Variants in RNPEP observed in about 807,000 individuals in gnomAD.
The protein encoded by RNPEP is aminopeptidase B.
Under a neutral mutation model 70.1 loss-of-function variants are expected in RNPEP, and 57 were observed. The observed-to-expected ratio is 0.81, with a 90% confidence interval of 0.66 to 1.01. RNPEP has a LOEUF of 1.01. Among genes scored for constraint, RNPEP ranks in the 50% least tolerant of loss-of-function variants. The pLI is 0.00. For synonymous variants in RNPEP, 335 were observed against 357.4 expected (o/e 0.94, Z 0.71); for missense variants, 787 against 852.4 (o/e 0.92, Z 0.96).
rs1383438631 is a variant in RNPEP at position 202,003,344 on chromosome 1, T to C, written c.1534T>C (p.Trp512Arg). The stretch of plus-strand genomic sequence containing the variant: ...GCCTGCTGAAGAGCTAGCCCAACTG[T>C]GGGCAGCCGAGGAGCTGGACATGAA... ...MKPAEELAQLWAAEELDMKAI... is the reference protein window; with the variant it reads ...MKPAEELAQLRAAEELDMKAI... The change falls in exon 9 of 11, where the codon TGG becomes CGG. Residue 512 changes from tryptophan (W) to arginine (R), a missense_variant. Transcript: ENST00000295640. The C allele has an allele frequency of 6.2e-7, 1 of 1,614,090 alleles. No individual in the cohort carries two copies. Among genetic ancestry groups the C allele is most frequent in the Admixed American group, 1.7e-5 (1 of 60,014 alleles).
chr1:201,983,192 C>A (rs1159862329), intron 1 of RNPEP, 79 bp downstream of exon 1: 18 of 1,415,218 alleles, frequency 1.3e-5, no homozygotes, highest in African/African-American at 8.9e-5. Context: ...TCACCTACCC[C>A]ACCCGGGAGG....
At position 202,004,461 on chromosome 1, in the gene RNPEP, G is replaced by T. The variant is rs574853570; in HGVS notation, c.1759G>T (p.Asp587Tyr). The T allele has an allele frequency of 6.2e-7, 1 of 1,614,132 alleles. No individual in the cohort carries two copies. Among genetic ancestry groups the T allele is most frequent in the South Asian group, 1.1e-5 (1 of 91,084 alleles). Residue 587 changes from aspartate to tyrosine, a missense_variant, in exon 10 of 11, where the codon GAT becomes TAT. By Grantham distance (160) the Asp-to-Tyr change is radical (BLOSUM62 -3). Coordinates refer to ENST00000295640, the MANE Select transcript of RNPEP (RefSeq NM_020216.4). Reference sequence around the variant, plus strand: ...CGTCCTTAAGAACGACCACCAGGAAGATTTCTGGAAAGTGAAGGAGTTCCT... The same window carrying T: ...CGTCCTTAAGAACGACCACCAGGAATATTTCTGGAAAGTGAAGGAGTTCCT... ...QIVLKNDHQEDFWKVKEFLHN... is the reference protein window; with the variant it reads ...QIVLKNDHQEYFWKVKEFLHN...
chr1:202,005,145 G>A (rs1356398349), intron 10 of RNPEP, among the ~76,000 whole-genome samples: 3 of 152,110 alleles, frequency 2.0e-5, no homozygotes, highest in African/African-American at 7.2e-5. Flanking sequence ...TTGACCTGTG[G>A]GTTGACCTGT....
At chr1:201,983,304 C>G (rs1683007755) in intron 1 of RNPEP, 191 bp downstream of exon 1, 2 of 1,407,108 alleles carry the variant, frequency 1.4e-6, no homozygotes, top group Admixed American at 6.4e-5. Context: ...TCCCGGGCTG[C>G]CTGGTTTCCT....
intron 1 of RNPEP, among the ~76,000 whole-genome samples, chr1:201,987,291 G>A (rs1438339100): frequency 6.6e-6 from 1 of 152,058 alleles, no homozygotes; most frequent in African/African-American, 2.4e-5. Flanking sequence ...AATCATCCTG[G>A]AGTAATCGAA....
chr1:201,993,596 C>A (rs1476886555), intron 3 of RNPEP, among the ~76,000 whole-genome samples: 87 of 128,446 alleles, frequency 6.8e-4, no homozygotes, highest in Middle Eastern at 4.2e-3. Flanking sequence ...GACTCCACCT[C>A]AAAAAAAAGC....
In RNPEP at chr1:201,996,204, G is replaced by A. The variant is rs138156041; in HGVS notation, c.795G>A (p.Gly265=). 40 of 1,614,172 alleles carry A rather than the reference G, an allele frequency of 2.5e-5. No individual in the cohort carries two copies. The African/African-American group carries it at 4.7e-4, about 19-fold the overall frequency. Residue 265 remains glycine, a synonymous_variant, in exon 4 of 11, where the codon GGG becomes GGA. Transcript: ENST00000295640. ...ATGCTGCCAAGGAGGAGTACAACGG[G>A]GTGATAGAAGAATTTTTGGCAACAG... ...LIDAAKEEYN[G]VIEEFLATGE...
rs200795347 is a variant in RNPEP, at chr1:201,984,821, C to CTTTTTTTTT, written c.447+1736_447+1744dup. Among the ~76,000 whole-genome samples, 117 of 122,006 alleles carry CTTTTTTTTT rather than the reference C, an allele frequency of 9.6e-4. 7 individuals are homozygous for CTTTTTTTTT. Among genetic ancestry groups the CTTTTTTTTT allele is most frequent in the South Asian group, 3.0e-3 (12 of 3,972 alleles). The allele number at this position is 122,006 out of a possible 152,430, so 80.0% of individuals were successfully genotyped here. On this transcript the variant is annotated intron_variant, in intron 1 of 10. Coordinates refer to ENST00000295640, the MANE Select transcript of RNPEP (RefSeq NM_020216.4). ...TTACTGCTAACTTTTGTATTTCTTT[C>CTTTTTTTTT]TTTTTTTTTTTTTTTTTTTTTTTTT...
In RNPEP at chr1:202,003,435, TC is replaced by T. The variant is rs773630011; in HGVS notation, c.1627del (p.Leu543SerfsTer11). On this transcript the variant is annotated frameshift_variant, in exon 9 of 11. Transcript: ENST00000295640. LOFTEE classifies it high-confidence loss of function. ...TYQLVYFLDKILQKSPLPPGN... is the reference protein window; with the variant it reads ...TYQLVYFLDKXLQKSPLPPGN... Reference sequence around the variant, plus strand: ...CAGCTGGTCTACTTCCTGGATAAGATCCTCCAGAAATCCCCTCTCCCTCCTG... The same window carrying T: ...CAGCTGGTCTACTTCCTGGATAAGATCTCCAGAAATCCCCTCTCCCTCCTG... The T allele has an allele frequency of 1.9e-4, 300 of 1,613,768 alleles. No individual in the cohort carries two copies. Among genetic ancestry groups the T allele is most frequent in the Non-Finnish European group, 1.6e-4 (184 of 1,179,848 alleles).
chr1:201,996,465 T>TGTG (rs1683556285), intron 4 of RNPEP: 14 of 233,038 alleles, frequency 6.0e-5, no homozygotes, highest in South Asian at 3.6e-4. Context: ...ATGAGGTTCT[T>TGTG]TGTGTGTGTG....
At chr1:201,984,544 G>T (rs1683054910) in intron 1 of RNPEP, among the ~76,000 whole-genome samples, 2 of 152,130 alleles carry the variant, frequency 1.3e-5, no homozygotes, top group South Asian at 2.1e-4. Flanking sequence ...GGGGGCCCAA[G>T]AGATTTTCCT....
Position 201,988,956 on chromosome 1 carries a change from A to G in RNPEP, c.500A>G (p.Tyr167Cys), listed in dbSNP as rs774662878. The change falls in exon 2 of 11, where the codon TAC (tyrosine) becomes TGC (cysteine). Residue 167 changes from tyrosine to cysteine, a missense_variant. Transcript: ENST00000295640. ...GCAGGAAAGAAGAAGCCCTTCGTGTACACCCAGGGCCAGGCTGTCCTAAAC... is the reference window on the plus strand; with the variant it reads ...GCAGGAAAGAAGAAGCCCTTCGTGTGCACCCAGGGCCAGGCTGTCCTAAAC... ...QTAGKKKPFV[Y>C]TQGQAVLNRA... 2 of 1,613,826 alleles carry G rather than the reference A, an allele frequency of 1.2e-6. No individual in the cohort carries two copies. The highest frequency in any genetic ancestry group is 8.5e-7 in the Non-Finnish European group (1 of 1,179,936).
intron 3 of RNPEP, among the ~76,000 whole-genome samples, chr1:201,991,345 C>T (rs1367237624): frequency 6.6e-6 from 1 of 152,142 alleles, no homozygotes; most frequent in African/African-American, 2.4e-5. Context: ...GAACTCCTGA[C>T]CTCGTGATCC....
Position 201,997,536 on chromosome 1 carries a change from A to C in RNPEP, c.1072A>C (p.Ile358Leu), listed in dbSNP as rs1207758922. 1 of 1,613,330 alleles carries C rather than the reference A, an allele frequency of 6.2e-7. No individual in the cohort carries two copies. The highest frequency in any genetic ancestry group is 8.5e-7 in the Non-Finnish European group (1 of 1,179,418). Residue 358 changes from isoleucine to leucine, a missense_variant, in exon 5 of 11, where the codon ATC becomes CTC. Physicochemically the swap from Ile to Leu is conservative, Grantham distance 5 (BLOSUM62 2). Coordinates refer to ENST00000295640, the MANE Select transcript of RNPEP (RefSeq NM_020216.4). ...EGFTMYAQRR[I>L]STILFGAAYT... The stretch of plus-strand genomic sequence containing the variant: ...TTTCACCATGTACGCCCAGAGGAGG[A>C]TCTCCACCATCCTCTTTGGTAAAGT...
At chr1:202,002,949 C>T (rs1048826941) in intron 8 of RNPEP, among the ~76,000 whole-genome samples, 5 of 152,056 alleles carry the variant, frequency 3.3e-5, no homozygotes, top group South Asian at 2.1e-4. Flanking sequence ...TGGTTGTGAT[C>T]GGTAGGAGAA....
At chr1:201,995,990 G>C (rs1683532538) in intron 3 of RNPEP, 157 bp from the exon 4 acceptor site, 4 of 614,122 alleles carry the variant, frequency 6.5e-6, no homozygotes, top group Non-Finnish European at 8.7e-6. Context: ...CGGTCTCTTG[G>C]ATCTGTGTGG....
intron 1 of RNPEP, 72 bp from the exon 2 acceptor site, chr1:201,988,832 C>A: frequency 6.6e-7 from 1 of 1,512,040 alleles, no homozygotes. Flanking sequence ...TCATTCCAGC[C>A]AGCTCACTTC....
chr1:201,989,771 C>T (rs1683257281), intron 3 of RNPEP, among the ~76,000 whole-genome samples: 1 of 152,102 alleles, frequency 6.6e-6, no homozygotes, highest in Non-Finnish European at 1.5e-5. Flanking sequence ...ATCATCCCTG[C>T]TAGCAGTAGC....
In RNPEP at chr1:202,000,083, A is replaced by T. The variant is rs1001307407; in HGVS notation, c.1204+68A>T. 7 of 1,158,212 alleles carry T rather than the reference A, an allele frequency of 6.0e-6. 1 individual carries two copies. In the African/African-American group the frequency reaches 1.1e-4, roughly 17 times the overall value. The allele number at this position is 1,158,212 out of a possible 1,614,324, so 71.7% of individuals were successfully genotyped here. ...AGCTTGGAGCCCCAAGTTAATGCGAACTTCATGTTGATCAGTGCACGCTTA... is the reference window on the plus strand; with the variant it reads ...AGCTTGGAGCCCCAAGTTAATGCGATCTTCATGTTGATCAGTGCACGCTTA... On this transcript the variant is annotated intron_variant, in intron 6 of 10. Transcript: ENST00000295640.
Sources: allele counts gnomAD v4.1 joint callset (sites outside exome capture counted in the v4.1 genomes callset), GRCh38; gene constraint gnomAD v4.1.1; transcripts MANE v1.5; gene names NCBI Gene and HGNC (gene_info 2026-07-23, HGNC 2026-07-21).